Variants in KIF5B observed in about 807,000 individuals in gnomAD.
KIF5B encodes kinesin-1 heavy chain.
Under a neutral mutation model 132.8 loss-of-function variants are expected in KIF5B, and 49 were observed. The ratio of observed to expected loss-of-function variants is 0.37; its 90% CI spans 0.29 to 0.47. The LOEUF is 0.47. KIF5B is among the 20% of genes least tolerant of loss of function. The probability of loss-of-function intolerance (pLI) is 1.00; values close to 1 mark genes in which losing one functional copy is unlikely to be tolerated. For missense variants in KIF5B, 780 were observed against 1,144.0 expected, an observed-to-expected ratio of 0.68 and a Z score of 4.59; for synonymous variants, 355 against 369.4, an observed-to-expected ratio of 0.96 and a Z score of 0.45.
At chr10:32,025,960 C>T (rs1395272942) in intron 15 of KIF5B, among the ~76,000 whole-genome samples, 1 of 151,958 alleles carries the variant, frequency 6.6e-6, no homozygotes, top group African/African-American at 2.4e-5. Flanking sequence ...CAGTGGTTGC[C>T]AGAAGTTCAA....
chr10:32,043,529 C>T (rs1841570875), intron 2 of KIF5B, among the ~76,000 whole-genome samples: 1 of 152,162 alleles, frequency 6.6e-6, no homozygotes, highest in Non-Finnish European at 1.5e-5. Flanking sequence ...AAGGTGAATA[C>T]AGCGGCAGAG....
chr10:32,035,673 T>C lies in KIF5B; in HGVS notation c.817-6A>G, dbSNP rs1375908366. 4.4e-6 allele frequency: 7 copies of C among 1,589,970 alleles called. No homozygotes were observed. Among genetic ancestry groups the C allele is most frequent in the Non-Finnish European group, 6.0e-6 (7 of 1,172,146 alleles). Reference sequence around the variant, plus strand: ...TCTCGATATGGAACATATGTCTGCATACAAAAACAAAGAAAGAAAACAAGA... The same window carrying C: ...TCTCGATATGGAACATATGTCTGCACACAAAAACAAAGAAAGAAAACAAGA... On this transcript the variant is annotated splice_polypyrimidine_tract_variant and splice_region_variant and intron_variant, in intron 9 of 25. Coordinates refer to ENST00000302418, the MANE Select transcript of KIF5B (RefSeq NM_004521.3).
Position 32,015,643 on chromosome 10 carries a change from G to C in KIF5B, c.2778C>G (p.Pro926=). ...TTGGAGAAGCTGCTGGATGTTGCCC[G>C]GGACGAATAGGTTTAGCTAATATGA... ...HSAQIAKPIR[P]GQHPAASPTH... The change falls in exon 25 of 26, where the codon CCC becomes CCG. Residue 926 remains proline (P), a synonymous_variant. Coordinates refer to ENST00000302418, the MANE Select transcript of KIF5B (RefSeq NM_004521.3). 1 of 1,612,078 alleles carries C rather than the reference G, an allele frequency of 6.2e-7. No homozygotes were observed. Among genetic ancestry groups the C allele is most frequent in the South Asian group, 1.1e-5 (1 of 90,800 alleles).
chr10:32,053,543 G>T (rs573116989), intron 1 of KIF5B, among the ~76,000 whole-genome samples: 1 of 151,946 alleles, frequency 6.6e-6, no homozygotes, highest in East Asian at 1.9e-4. Flanking sequence ...TAGCCAACAT[G>T]GTGAAACCCA....
intron 15 of KIF5B, among the ~76,000 whole-genome samples, chr10:32,023,464 A>C (rs1341442882): frequency 1.3e-5 from 2 of 152,236 alleles, no homozygotes; most frequent in Admixed American, 6.5e-5. Context: ...CTTTAAGCTC[A>C]ACCAGAAGGA....
At chr10:32,054,683 T>C (rs1841731297) in intron 1 of KIF5B, among the ~76,000 whole-genome samples, 1 of 152,254 alleles carries the variant, frequency 6.6e-6, no homozygotes, top group Non-Finnish European at 1.5e-5. Flanking sequence ...GGTAACAATG[T>C]AGAAAGTTAG....
chr10:32,055,891 T>G lies in KIF5B; in HGVS notation c.83A>C (p.Lys28Thr). The G allele has an allele frequency of 6.2e-7, 1 of 1,613,052 alleles. No individual in the cohort carries two copies. The highest frequency in any genetic ancestry group is 8.5e-7 in the Non-Finnish European group (1 of 1,179,872). ...LNESEVNRGD[K>T]YIAKFQGEDT... The stretch of plus-strand genomic sequence containing the variant: ...TTCTCCCTGAAACTTGGCGATGTAC[T>G]TGTCGCCGCGGTTCACTTCAGACTC... Residue 28 changes from lysine (K) to threonine (T), a missense_variant, in exon 1 of 26, where the codon AAG becomes ACG. Around this residue, in one of 9 missense-constraint regions of KIF5B, gnomAD observed 66 missense variants for 83.4 expected, o/e 0.79. Transcript: ENST00000302418.
At chr10:32,019,073 A>C (rs1199626476) in intron 20 of KIF5B, among the ~76,000 whole-genome samples, 1 of 152,222 alleles carries the variant, frequency 6.6e-6, no homozygotes, top group Non-Finnish European at 1.5e-5. Context: ...GGAAGAGATG[A>C]AATAAAATGT....
At chr10:32,047,333 C>T (rs1841625053) in intron 2 of KIF5B, among the ~76,000 whole-genome samples, 1 of 152,136 alleles carries the variant, frequency 6.6e-6, no homozygotes, top group South Asian at 2.1e-4. Flanking sequence ...CACCTTAGAT[C>T]CCATGGTCCA....
intron 15 of KIF5B, among the ~76,000 whole-genome samples, chr10:32,027,083 G>A (rs1434493369): frequency 1.3e-5 from 2 of 151,976 alleles, no homozygotes; most frequent in Non-Finnish European, 2.9e-5. Context: ...ACAGCAAACA[G>A]CAACATTAAA....
intron 2 of KIF5B, among the ~76,000 whole-genome samples, chr10:32,046,293 A>T (rs1384361967): frequency 6.6e-6 from 1 of 152,224 alleles, no homozygotes; most frequent in Non-Finnish European, 1.5e-5. Flanking sequence ...GTATGTCTCA[A>T]TCAAAGAATG....
chr10:32,032,926 G>A, intron 12 of KIF5B, 152 bp from the exon 13 acceptor site: 1 of 632,958 alleles, frequency 1.6e-6, no homozygotes, highest in Non-Finnish European at 2.8e-6. Flanking sequence ...TTAAGAAAAT[G>A]GCAAAACAAA....
intron 1 of KIF5B, among the ~76,000 whole-genome samples, chr10:32,054,611 A>T (rs1841730502): frequency 6.6e-6 from 1 of 152,222 alleles, no homozygotes; most frequent in Non-Finnish European, 1.5e-5. Flanking sequence ...AATAGCCCCA[A>T]TACAGTATTA....
intron 2 of KIF5B, among the ~76,000 whole-genome samples, chr10:32,044,123 CAAG>C (rs1841578016): frequency 6.6e-6 from 1 of 152,196 alleles, no homozygotes; most frequent in Non-Finnish European, 1.5e-5. Flanking sequence ...TTGTCCAGGA[CAAG>C]TCCCACCAGC....
At chr10:32,032,442 A>G (rs1345398969) in intron 13 of KIF5B, among the ~76,000 whole-genome samples, 1 of 152,192 alleles carries the variant, frequency 6.6e-6, no homozygotes, top group African/African-American at 2.4e-5. Context: ...CTGGGTGAGA[A>G]GATAAAATGA....
chr10:32,021,436 T>G, intron 17 of KIF5B, 149 bp from the exon 18 acceptor site: 1 of 636,478 alleles, frequency 1.6e-6, no homozygotes, highest in Non-Finnish European at 2.8e-6. Flanking sequence ...CCAAGTTCAA[T>G]GACATGTAGA....
intron 14 of KIF5B, 97 bp from the exon 15 acceptor site, chr10:32,028,668 C>A: frequency 1.0e-6 from 1 of 997,692 alleles, no homozygotes; most frequent in South Asian, 1.7e-5. Context: ...CAAGCCCTTA[C>A]GAAACCATGT....
At chr10:32,048,145 C>G (rs989925834) in intron 2 of KIF5B, among the ~76,000 whole-genome samples, 1 of 152,144 alleles carries the variant, frequency 6.6e-6, no homozygotes, top group Admixed American at 6.5e-5. Flanking sequence ...TTTTCATTCT[C>G]ATACTGTTCT....
At chr10:32,033,416 C>T (rs1002267602) in intron 12 of KIF5B, among the ~76,000 whole-genome samples, 31 of 152,184 alleles carry the variant, frequency 2.0e-4, no homozygotes, top group Non-Finnish European at 4.1e-4. Flanking sequence ...ATTAAGAGCG[C>T]GAACTCTATT....
Sources: allele counts gnomAD v4.1 joint callset (sites outside exome capture counted in the v4.1 genomes callset), GRCh38; gene constraint gnomAD v4.1.1; regional missense constraint gnomAD v4.1.1; transcripts MANE v1.5; gene names NCBI Gene and HGNC (gene_info 2026-07-23, HGNC 2026-07-21).